The following INTS7 variants were observed in gnomAD, a reference collection of about 807,000 sequenced individuals.
INTS7 encodes integrator complex subunit 7, also known as chromosome 1 open reading frame 73.
In INTS7, 46 loss-of-function variants were observed where a neutral mutation model predicts 109.2. The ratio of observed to expected loss-of-function variants is 0.42; its 90% CI spans 0.33 to 0.54. The LOEUF (loss-of-function observed/expected upper bound fraction) is 0.54. Ranked by LOEUF, INTS7 falls within the 20% of genes least tolerant of loss-of-function variation. The pLI is 0.07. For synonymous variants in INTS7, 412 were observed against 402.9 expected, an observed-to-expected ratio of 1.02 and a Z score of -0.27; for missense variants, 929 against 1,132.4, an observed-to-expected ratio of 0.82 and a Z score of 2.58.
chr1:211,943,243 T>C (rs1477803883), intron 19 of INTS7, among the ~76,000 whole-genome samples: 1 of 150,306 alleles, frequency 6.7e-6, no homozygotes, highest in Non-Finnish European at 1.5e-5. Flanking sequence ...CACTGCAAAG[T>C]AATCATGTTA....
At chr1:212,017,747 T>TTCAA (rs1316971791) in intron 3 of INTS7, among the ~76,000 whole-genome samples, 4 of 152,228 alleles carry the variant, frequency 2.6e-5, no homozygotes, top group Non-Finnish European at 5.9e-5. Flanking sequence ...GACAACCTTC[T>TTCAA]TCAAAGTCAA....
intron 7 of INTS7, among the ~76,000 whole-genome samples, chr1:211,991,577 T>G (rs1257538846): frequency 3.3e-5 from 5 of 152,240 alleles, no homozygotes; most frequent in Non-Finnish European, 7.3e-5. Flanking sequence ...TTTAAAAAAC[T>G]GAATTAAAAT....
In INTS7 at chr1:211,959,397, G is replaced by A. The variant is rs1663510390; in HGVS notation, c.2184-6696C>T. 6.6e-6 allele frequency among the ~76,000 whole-genome samples: 1 copy of A among 152,178 alleles called. No homozygotes were observed. Among genetic ancestry groups the A allele is most frequent in the Non-Finnish European group, 1.5e-5 (1 of 68,026 alleles). On this transcript the variant is annotated intron_variant, in intron 16 of 19. Coordinates refer to ENST00000366994, the MANE Select transcript of INTS7 (RefSeq NM_015434.4). The surrounding 1 kb of genome is among the most constrained non-coding windows in gnomAD (Gnocchi z 4.2). ...AGTGCAGCCTTGGGTGTCCTGGGGG[G>A]CCTGCATCATAGCTCCTGTGCTTGT... is the stretch of plus-strand genomic sequence containing the variant.
intron 17 of INTS7, among the ~76,000 whole-genome samples, chr1:211,947,784 A>T (rs1335603445): frequency 2.0e-5 from 3 of 152,200 alleles, no homozygotes; most frequent in African/African-American, 4.8e-5. Context: ...CAACACCATT[A>T]GAGGGAAATT....
rs928740604 is a variant in INTS7 at position 211,975,083 on chromosome 1, G to C, written c.1815+83C>G. Reference sequence around the variant, plus strand: ...TCATATCAGCAGGTTTCTCAAGTTAGTTGAAATAGGACAATCCAAAAAGAG... The same window carrying C: ...TCATATCAGCAGGTTTCTCAAGTTACTTGAAATAGGACAATCCAAAAAGAG... On this transcript the variant is annotated intron_variant, in intron 13 of 19. Transcript: ENST00000366994. The C allele has an allele frequency of 4.3e-6, 4 of 926,214 alleles. No individual in the cohort carries two copies. In the East Asian group the frequency reaches 9.6e-5, roughly 22 times the overall value. 57.4% of individuals were successfully genotyped at this position (926,214 alleles called of 1,614,324 possible). A position where few individuals can be genotyped will look rare whatever the true frequency, so the allele number is the denominator to read the frequency against.
intron 7 of INTS7, among the ~76,000 whole-genome samples, chr1:211,991,743 G>A (rs531454825): frequency 2.0e-5 from 3 of 152,316 alleles, no homozygotes; most frequent in South Asian, 2.1e-4. Flanking sequence ...CTGCAAACTG[G>A]CATTAAGAAA....
At chr1:211,972,449 A>G (rs1664222929) in intron 13 of INTS7, among the ~76,000 whole-genome samples, 1 of 152,190 alleles carries the variant, frequency 6.6e-6, no homozygotes, top group Non-Finnish European at 1.5e-5. Context: ...GTTCATTGGA[A>G]CGTTTCAAAT....
chr1:212,026,456 C>T (rs576698683), intron 1 of INTS7, among the ~76,000 whole-genome samples: 8 of 152,350 alleles, frequency 5.3e-5, no homozygotes, highest in African/African-American at 1.9e-4. Context: ...GCTCCCTCCT[C>T]CCCTTCACCC....
intron 17 of INTS7, among the ~76,000 whole-genome samples, chr1:211,950,861 T>C (rs1160657793): frequency 6.6e-6 from 1 of 152,216 alleles, no homozygotes; most frequent in African/African-American, 2.4e-5. Flanking sequence ...TTGTTTAGCA[T>C]CTATTTCATT....
chr1:212,011,230 T>C (rs1476817994), intron 5 of INTS7, 145 bp downstream of exon 5: 1 of 578,464 alleles, frequency 1.7e-6, no homozygotes, highest in Admixed American at 3.5e-5. Flanking sequence ...TCCTCAGCAT[T>C]TAGAACAGTT....
intron 1 of INTS7, among the ~76,000 whole-genome samples, chr1:212,025,926 C>T (rs987685571): frequency 3.3e-5 from 5 of 152,120 alleles, no homozygotes; most frequent in Non-Finnish European, 5.9e-5. Context: ...GAGGCCGAGG[C>T]TGGCAGATCA....
chr1:212,021,106 C>T lies in INTS7; in HGVS notation c.201G>A (p.Lys67=). ...ACCCAACTCTGAAAACATCAGCTAA[C>T]TTTAGGAATGCAGAATTGATAAGAA... ...FPILINSAFL[K]LADVFRVGNN... is the part of the protein sequence containing the mutation. Residue 67 remains lysine (K), a synonymous_variant, in exon 2 of 20, where the codon AAG becomes AAA. Transcript: ENST00000366994. The T allele has an allele frequency of 6.2e-7, 1 of 1,606,586 alleles. No homozygotes were observed. Among genetic ancestry groups the T allele is most frequent in the Non-Finnish European group, 8.5e-7 (1 of 1,177,050 alleles).
At chr1:212,013,129 T>C (rs1440475252) in intron 4 of INTS7, among the ~76,000 whole-genome samples, 2 of 152,068 alleles carry the variant, frequency 1.3e-5, no homozygotes, top group African/African-American at 2.4e-5. Context: ...AGCTGAAAAA[T>C]TCATATTGGC....
At position 211,946,475 on chromosome 1, in the gene INTS7, C is replaced by CA. The variant is rs1302327170; in HGVS notation, c.2415+131dup. On this transcript the variant is annotated intron_variant, in intron 18 of 19. Coordinates refer to ENST00000366994, the MANE Select transcript of INTS7 (RefSeq NM_015434.4). The surrounding 1 kb of genome is among the most constrained non-coding windows in gnomAD (Gnocchi z 4.3). The stretch of plus-strand genomic sequence containing the variant: ...CAGGCGACAGGGCGAGACTCTGTCT[C>CA]AAAAAACAAAACAAAACAAAAAAAC... The CA allele has an allele frequency of 4.1e-5, 24 of 580,254 alleles. No homozygotes were observed. The highest frequency in any genetic ancestry group is 6.5e-5 in the Admixed American group (2 of 30,728). The allele number at this position is 580,254 out of a possible 1,614,324, so 35.9% of individuals were successfully genotyped here. A position where few individuals can be genotyped will look rare whatever the true frequency, so the allele number is the denominator to read the frequency against.
chr1:211,960,401 T>C (rs1179192128), intron 16 of INTS7, among the ~76,000 whole-genome samples: 2 of 152,110 alleles, frequency 1.3e-5, no homozygotes, highest in Non-Finnish European at 2.9e-5. Flanking sequence ...CCAGAATGCC[T>C]TTTTTCTTCC....
chr1:211,953,393 T>C (rs1444928862), intron 16 of INTS7, among the ~76,000 whole-genome samples: 6 of 152,310 alleles, frequency 3.9e-5, no homozygotes, highest in African/African-American at 1.4e-4. Flanking sequence ...TTTAACTTAT[T>C]ATTTTTTAAT....
At chr1:211,974,272 A>AT (rs1553249472) in intron 13 of INTS7, among the ~76,000 whole-genome samples, 6,653 of 61,046 alleles carry the variant, frequency 0.11, 269 homozygotes, top group Non-Finnish European at 0.13. Context: ...TCCCAGAAAA[A>AT]AAAAATATAT....
chr1:211,952,115 T>C lies in INTS7; in HGVS notation c.2316+454A>G, dbSNP rs574459759. Among the ~76,000 whole-genome samples, 3 of 152,310 alleles carry C rather than the reference T, an allele frequency of 2.0e-5. No individual in the cohort carries two copies. In the South Asian group the frequency reaches 6.2e-4, roughly 32 times the overall value. On this transcript the variant is annotated intron_variant, in intron 17 of 19. Coordinates refer to ENST00000366994, the MANE Select transcript of INTS7 (RefSeq NM_015434.4). ...AATTGTCCAGTGGTTCTCCCAACCA[T>C]GGCAGCATGACAGAATCACCTGAGT...
intron 1 of INTS7, among the ~76,000 whole-genome samples, chr1:212,024,232 T>C (rs1666826286): frequency 6.6e-6 from 1 of 152,200 alleles, no homozygotes; most frequent in Non-Finnish European, 1.5e-5. Flanking sequence ...GTTTTTTTTT[T>C]CTAATTCTGT....
Sources: gnomAD v4.1 joint callset for allele counts (sites outside exome capture counted in the v4.1 genomes callset) on GRCh38, gnomAD v4.1.1 for gene constraint, Gnocchi (gnomAD v3.1) non-coding constraint, MANE v1.5 for transcripts, NCBI Gene and HGNC (gene_info 2026-07-23, HGNC 2026-07-21) for gene names.